Variants in EYA4 observed in about 807,000 individuals in gnomAD.
EYA4 encodes the protein EYA transcriptional coactivator and phosphatase 4.
A neutral mutation model predicts 87.9 loss-of-function variants in EYA4; 31 were observed. That is an observed-to-expected ratio of 0.35 (90% CI 0.27 to 0.48). EYA4 has a LOEUF of 0.48. Ranked by LOEUF, EYA4 falls within the 20% of genes least tolerant of loss-of-function variation. EYA4 has a pLI of 0.99. For synonymous variants in EYA4, 263 were observed against 270.6 expected, an observed-to-expected ratio of 0.97 and a Z score of 0.28; for missense variants, 678 against 761.4, an observed-to-expected ratio of 0.89 and a Z score of 1.29.
chr6:133,279,764 C>G (rs1777473932), intron 2 of EYA4, among the ~76,000 whole-genome samples: 1 of 152,102 alleles, frequency 6.6e-6, no homozygotes, highest in Non-Finnish European at 1.5e-5. Flanking sequence ...ATTATAGCCA[C>G]TAGCCCATCT....
chr6:133,312,529 T>C (rs1780309357), intron 2 of EYA4, among the ~76,000 whole-genome samples: 2 of 152,210 alleles, frequency 1.3e-5, no homozygotes, highest in South Asian at 2.1e-4. Flanking sequence ...ATGGTGAACG[T>C]CAAATGGAAT....
intron 3 of EYA4, among the ~76,000 whole-genome samples, chr6:133,409,293 G>C (rs1789001831): frequency 6.6e-6 from 1 of 152,172 alleles, no homozygotes; most frequent in Admixed American, 6.5e-5. Context: ...AGTGTTCATA[G>C]ATGGTTGAAT....
At chr6:133,525,633 A>G (rs892190912) in intron 19 of EYA4, among the ~76,000 whole-genome samples, 1 of 152,166 alleles carries the variant, frequency 6.6e-6, no homozygotes. Flanking sequence ...TCTGCAAGAA[A>G]GATTGGGGGG....
intron 2 of EYA4, among the ~76,000 whole-genome samples, chr6:133,372,594 G>A (rs550948323): frequency 6.6e-6 from 1 of 151,584 alleles, no homozygotes; most frequent in South Asian, 2.1e-4. Flanking sequence ...ATTGTATAAA[G>A]CTTAATTTTA....
intron 16 of EYA4, among the ~76,000 whole-genome samples, chr6:133,514,318 A>C (rs1799412531): frequency 6.6e-6 from 1 of 152,198 alleles, no homozygotes. Flanking sequence ...ATATGTTTTA[A>C]CTTTAAAATA....
At chr6:133,295,440 A>T (rs1023140265) in intron 2 of EYA4, among the ~76,000 whole-genome samples, 10 of 152,172 alleles carry the variant, frequency 6.6e-5, no homozygotes, top group African/African-American at 2.4e-4. Flanking sequence ...TTGCTCAGAG[A>T]CTGTTAAGGA....
chr6:133,284,054 C>A (rs1777837917), intron 2 of EYA4, among the ~76,000 whole-genome samples: 1 of 152,200 alleles, frequency 6.6e-6, no homozygotes, highest in Admixed American at 6.5e-5. Flanking sequence ...CTTCCATCAA[C>A]TTACATGATT....
chr6:133,449,650 C>G (rs932468829), intron 5 of EYA4, among the ~76,000 whole-genome samples: 1 of 152,158 alleles, frequency 6.6e-6, no homozygotes, highest in African/African-American at 2.4e-5. Flanking sequence ...GTTACTTAAG[C>G]TCTCTGAGCT....
At chr6:133,382,297 T>C (rs529739260) in intron 2 of EYA4, 95 bp from the exon 3 acceptor site, 1 of 857,674 alleles carries the variant, frequency 1.2e-6, no homozygotes, top group East Asian at 2.4e-5. Flanking sequence ...TATAGAGAAC[T>C]TGGTGAACAG....
chr6:133,448,720 T>G (rs1237379025), intron 5 of EYA4, among the ~76,000 whole-genome samples: 1 of 152,200 alleles, frequency 6.6e-6, no homozygotes, highest in Non-Finnish European at 1.5e-5. Context: ...AAACTAGAAA[T>G]TAATATTGGC....
At chr6:133,378,827 T>C (rs1785924787) in intron 2 of EYA4, among the ~76,000 whole-genome samples, 1 of 152,080 alleles carries the variant, frequency 6.6e-6, no homozygotes, top group African/African-American at 2.4e-5. Context: ...GGAATTTTCC[T>C]GTATTTTTAT....
At chr6:133,363,497 C>A (rs1349865517) in intron 2 of EYA4, 1 of 140,568 alleles carries the variant, frequency 7.1e-6, no homozygotes, top group Non-Finnish European at 1.5e-5. Context: ...TTTTTTTTGA[C>A]GGAATCTTGC....
chr6:133,355,021 G>A (rs1015875854), intron 2 of EYA4, among the ~76,000 whole-genome samples: 1 of 152,138 alleles, frequency 6.6e-6, no homozygotes, highest in African/African-American at 2.4e-5. Flanking sequence ...TACCTTTTGG[G>A]TACATAGATA....
chr6:133,340,576 A>G (rs183853712), intron 2 of EYA4, among the ~76,000 whole-genome samples: 4 of 152,334 alleles, frequency 2.6e-5, no homozygotes, highest in African/African-American at 7.2e-5. Flanking sequence ...GTGTATGTGT[A>G]TCTGGGAAGT....
intron 1 of EYA4, among the ~76,000 whole-genome samples, chr6:133,246,391 G>A (rs911242397): frequency 1.3e-5 from 2 of 150,586 alleles, no homozygotes; most frequent in Non-Finnish European, 3.0e-5. Context: ...TTATTTTAAC[G>A]TACTTTTGGA....
chr6:133,464,928 C>A, intron 10 of EYA4, 70 bp downstream of exon 10: 1 of 891,600 alleles, frequency 1.1e-6, no homozygotes, highest in South Asian at 1.4e-5. Flanking sequence ...CTCAGGTTGC[C>A]ATATATGTGC....
chr6:133,357,706 T>C (rs913128498), intron 2 of EYA4, among the ~76,000 whole-genome samples: 3 of 152,066 alleles, frequency 2.0e-5, no homozygotes, highest in African/African-American at 4.8e-5. Flanking sequence ...CTTATTTCTC[T>C]TAGGAGGCAC....
At chr6:133,306,085 TTGCAAGAGTCTGTGA>T (rs1212316841) in intron 2 of EYA4, among the ~76,000 whole-genome samples, 3 of 152,170 alleles carry the variant, frequency 2.0e-5, no homozygotes, top group Non-Finnish European at 4.4e-5. Context: ...TTTAATGGTG[TTGCAAGAGTCTGTGA>T]TGCTTCTGGT....
intron 13 of EYA4, among the ~76,000 whole-genome samples, chr6:133,504,601 ATT>A (rs1249956679): frequency 2.0e-5 from 3 of 152,148 alleles, no homozygotes; most frequent in Non-Finnish European, 4.4e-5. Flanking sequence ...TTTAATTCCT[ATT>A]CTCCAGGTTT....
Sources: gnomAD v4.1 joint callset for allele counts (sites outside exome capture counted in the v4.1 genomes callset) on GRCh38, gnomAD v4.1.1 for gene constraint, MANE v1.5 for transcripts, NCBI Gene and HGNC (gene_info 2026-07-23, HGNC 2026-07-21) for gene names.